Variants in BLTP3B observed in about 807,000 individuals in gnomAD.
The protein encoded by BLTP3B is UHRF1 (ICBP90) binding protein 1-like.
chr12:100,114,627 G>A, the BLTP3B span, among the ~76,000 whole-genome samples: 1 of 152,170 alleles, frequency 6.6e-6, no homozygotes, highest in Non-Finnish European at 1.5e-5. Flanking sequence ...AATACTTTCA[G>A]ATGGGAAAAT....
the BLTP3B span, among the ~76,000 whole-genome samples, chr12:100,073,352 T>C: frequency 6.7e-6 from 1 of 148,712 alleles, no homozygotes; most frequent in South Asian, 2.1e-4. Flanking sequence ...AATATATAGA[T>C]ACAGACACAG....
chr12:100,095,798 T>C, the BLTP3B span: 2 of 1,612,312 alleles, frequency 1.2e-6, no homozygotes, highest in Non-Finnish European at 1.7e-6. Flanking sequence ...TCATCCAATA[T>C]TAGAACTAAC....
the BLTP3B span, chr12:100,108,591 C>T: frequency 1.3e-6 from 2 of 1,523,168 alleles, no homozygotes; most frequent in Non-Finnish European, 1.8e-6. Context: ...GTGTCAGTTA[C>T]TATACTCCAG....
chr12:100,059,040 T>A, the BLTP3B span: 1 of 1,614,162 alleles, frequency 6.2e-7, no homozygotes. Flanking sequence ...TAGAGATACC[T>A]GATTACAAGT....
chr12:100,099,213 C>T, the BLTP3B span, among the ~76,000 whole-genome samples: 1 of 151,842 alleles, frequency 6.6e-6, no homozygotes, highest in African/African-American at 2.4e-5. Context: ...AGGCTGGTCT[C>T]AAACTCCTGT....
the BLTP3B span, among the ~76,000 whole-genome samples, chr12:100,068,537 T>C: frequency 6.6e-6 from 1 of 152,182 alleles, no homozygotes; most frequent in Non-Finnish European, 1.5e-5. Flanking sequence ...AAAGGAACAG[T>C]TAGAAGAGTA....
At chr12:100,132,783 A>C in the BLTP3B span, among the ~76,000 whole-genome samples, 2 of 151,862 alleles carry the variant, frequency 1.3e-5, no homozygotes, top group African/African-American at 4.8e-5. Context: ...CCCCATCTCT[A>C]CTAAAAATAC....
chr12:100,127,961 T>G, the BLTP3B span, among the ~76,000 whole-genome samples: 2,111 of 152,234 alleles, frequency 0.014, 18 homozygotes, highest in Non-Finnish European at 0.021. Context: ...TATAATGAGC[T>G]GTGACTGCAC....
chr12:100,124,921 TAA>T, the BLTP3B span, among the ~76,000 whole-genome samples: 1 of 86,428 alleles, frequency 1.2e-5, no homozygotes, highest in Non-Finnish European at 2.3e-5. Context: ...GACCCTGCCT[TAA>T]AAAAAAAAAA....
the BLTP3B span, among the ~76,000 whole-genome samples, chr12:100,102,068 G>GGTT: frequency 6.6e-6 from 1 of 151,508 alleles, no homozygotes; most frequent in Admixed American, 6.6e-5. Context: ...CCAAAGTGCT[G>GGTT]GTATTACAGG....
At chr12:100,117,956 G>A in the BLTP3B span, among the ~76,000 whole-genome samples, 4 of 151,744 alleles carry the variant, frequency 2.6e-5, no homozygotes, top group South Asian at 2.1e-4. Flanking sequence ...TTATCGTGGA[G>A]GAGATACAAA....
At chr12:100,066,721 G>A in the BLTP3B span, among the ~76,000 whole-genome samples, 437 of 151,336 alleles carry the variant, frequency 2.9e-3, 1 homozygote, top group African/African-American at 8.3e-3. Flanking sequence ...GGAGAATGGC[G>A]TGAACCCAGG....
At chr12:100,118,815 G>T in the BLTP3B span, among the ~76,000 whole-genome samples, 1 of 152,142 alleles carries the variant, frequency 6.6e-6, no homozygotes, top group Non-Finnish European at 1.5e-5. Context: ...TTATAATAAA[G>T]AAATCAGCTG....
the BLTP3B span, chr12:100,108,317 A>C: frequency 6.6e-7 from 1 of 1,506,166 alleles, no homozygotes; most frequent in Non-Finnish European, 8.9e-7. Context: ...TAAAAGCTAG[A>C]GCCAAAATAT....
At chr12:100,040,241 A>G in the BLTP3B span, among the ~76,000 whole-genome samples, 13 of 152,312 alleles carry the variant, frequency 8.5e-5, no homozygotes, top group Admixed American at 4.6e-4. Context: ...CAATAATTAG[A>G]TAACTTAGGG....
the BLTP3B span, among the ~76,000 whole-genome samples, chr12:100,071,796 C>T: frequency 1.2e-3 from 186 of 152,254 alleles, no homozygotes; most frequent in Non-Finnish European, 1.9e-3. Flanking sequence ...AGGACAACTT[C>T]AGTTACTTTT....
At chr12:100,046,186 G>C in the BLTP3B span, among the ~76,000 whole-genome samples, 5 of 152,130 alleles carry the variant, frequency 3.3e-5, no homozygotes, top group African/African-American at 1.2e-4. Context: ...CAAGGATCTA[G>C]AACTAGAATT....
At chr12:100,044,382 G>A in the BLTP3B span, among the ~76,000 whole-genome samples, 1 of 152,062 alleles carries the variant, frequency 6.6e-6, no homozygotes, top group Non-Finnish European at 1.5e-5. Context: ...TTCTTCAGTT[G>A]ACACATTTTC....
chr12:100,098,326 T>C, the BLTP3B span: 7 of 1,549,124 alleles, frequency 4.5e-6, no homozygotes, highest in African/African-American at 1.4e-5. Flanking sequence ...AATGAAACAT[T>C]TAAAAAAGAA....
Sources: allele counts gnomAD v4.1 joint callset (sites outside exome capture counted in the v4.1 genomes callset), GRCh38; gene constraint gnomAD v4.1.1; transcripts MANE v1.5; gene names NCBI Gene and HGNC (gene_info 2026-07-23, HGNC 2026-07-21).